DDX1: variants seen among roughly 807,000 people sequenced by gnomAD.
DDX1 encodes ATP-dependent RNA helicase DDX1.
DDX1 carries 28 observed loss-of-function variants against 108.7 expected under a neutral mutation model. The observed-to-expected ratio is 0.26, with a 90% CI of 0.19 to 0.35. DDX1 has a LOEUF of 0.35. Among genes scored for constraint, DDX1 ranks in the 10% least tolerant of loss-of-function variants. The pLI is 1.00. For missense variants in DDX1, 710 were observed against 884.5 expected (o/e 0.80, Z 2.50); for synonymous variants, 295 against 288.9 (o/e 1.02, Z -0.21).
At chr2:15,602,400 T>G in intron 6 of DDX1, 148 bp from the exon 7 acceptor site, 4 of 596,030 alleles carry the variant, frequency 6.7e-6, no homozygotes, top group Non-Finnish European at 1.2e-5. Context: ...CAGGAATCAG[T>G]AAGTCTCAGT....
intron 14 of DDX1, among the ~76,000 whole-genome samples, chr2:15,615,498 A>G (rs12616567): frequency 1.3e-5 from 2 of 152,076 alleles, no homozygotes; most frequent in Middle Eastern, 3.2e-3. Context: ...TTCTTAATAC[A>G]TTGGACAGAT....
chr2:15,597,350 TAG>T, intron 4 of DDX1, 23 bp from the exon 5 acceptor site: 1 of 1,426,946 alleles, frequency 7.0e-7, no homozygotes, highest in Non-Finnish European at 9.7e-7. Flanking sequence ...AATACTAATA[TAG>T]ATACCTTTTG....
At chr2:15,603,720 A>C in intron 8 of DDX1, 94 bp from the exon 9 acceptor site, 1 of 815,082 alleles carries the variant, frequency 1.2e-6, no homozygotes, top group Non-Finnish European at 1.9e-6. Context: ...GGTTTATGAA[A>C]TGGACATACT....
At chr2:15,611,717 G>A (rs1324083448) in intron 13 of DDX1, among the ~76,000 whole-genome samples, 10 of 112,528 alleles carry the variant, frequency 8.9e-5, no homozygotes, top group Non-Finnish European at 8.9e-5. Flanking sequence ...CTCCCGGACG[G>A]GGCGACTGGC....
chr2:15,628,895 G>A lies in DDX1; in HGVS notation c.1875+56G>A, dbSNP rs1666145528. The A allele has an allele frequency of 5.3e-6, 8 of 1,513,134 alleles. No individual in the cohort carries two copies. In the Admixed American group the frequency reaches 8.4e-5, roughly 16 times the overall value. The allele number at this position is 1,513,134 out of a possible 1,614,324, so 93.7% of individuals were successfully genotyped here. ...TGTGTGTGTTGTGATTTTAGATGTTGGAAATAAAAGCAGTTTGATTTTCCC... is the reference window on the plus strand; with the variant it reads ...TGTGTGTGTTGTGATTTTAGATGTTAGAAATAAAAGCAGTTTGATTTTCCC... On this transcript the variant is annotated intron_variant, in intron 23 of 25. Transcript: ENST00000233084.
intron 13 of DDX1, among the ~76,000 whole-genome samples, chr2:15,610,475 G>A (rs1023522365): frequency 1.3e-5 from 2 of 152,164 alleles, no homozygotes; most frequent in African/African-American, 4.8e-5. Context: ...TCAGTCTTTT[G>A]CATGTGCATA....
chr2:15,614,688 A>G (rs931466115), intron 14 of DDX1, among the ~76,000 whole-genome samples: 18 of 152,188 alleles, frequency 1.2e-4, no homozygotes, highest in Admixed American at 1.1e-3. Context: ...TGCTGCTGGC[A>G]CTATGCTCTT....
chr2:15,628,558 G>C, intron 21 of DDX1, 41 bp downstream of exon 21: 1 of 1,597,734 alleles, frequency 6.3e-7, no homozygotes, highest in South Asian at 1.1e-5. Flanking sequence ...GATTGTTACG[G>C]AATCTAAAGT....
chr2:15,621,071 G>T lies in DDX1; in HGVS notation c.1402G>T (p.Asp468Tyr). 1 of 1,606,780 alleles carries T rather than the reference G, an allele frequency of 6.2e-7. No individual in the cohort carries two copies. The stretch of plus-strand genomic sequence containing the variant: ...TATTCCTTGCTTTTGATAGACTGAT[G>T]ATGTACATGCAAAAGATAACACAAG... ...RLGKSHIRTD[D>Y]VHAKDNTRPG... Residue 468 changes from aspartate (D) to tyrosine (Y), a missense_variant, in exon 18 of 26, where the codon GAT becomes TAT. Asp to Tyr is a radical substitution (Grantham distance 160). Transcript: ENST00000233084.
At chr2:15,597,553 T>C (rs1665522153) in intron 5 of DDX1, 82 bp downstream of exon 5, 2 of 945,184 alleles carry the variant, frequency 2.1e-6, no homozygotes, top group South Asian at 3.1e-5. Flanking sequence ...GATTTGGGTA[T>C]GCATTTTTAA....
chr2:15,597,144 A>G (rs10929377), intron 4 of DDX1, among the ~76,000 whole-genome samples: 103,930 of 152,010 alleles, frequency 0.68, 36,331 homozygotes, highest in East Asian at 0.89. Context: ...TCATTCTACC[A>G]GTCTCCATTG....
chr2:15,610,362 T>G (rs2148742417), intron 13 of DDX1, among the ~76,000 whole-genome samples: 1 of 152,312 alleles, frequency 6.6e-6, no homozygotes, highest in East Asian at 1.9e-4. Context: ...TCATGAAAAT[T>G]TTATTTGTGT....
chr2:15,593,243 T>C (rs776002508), intron 1 of DDX1, among the ~76,000 whole-genome samples: 4 of 152,190 alleles, frequency 2.6e-5, no homozygotes, highest in African/African-American at 9.6e-5. Flanking sequence ...TAGGATTCAA[T>C]TGGAAACTGC....
chr2:15,610,020 A>G (rs1665726997), intron 13 of DDX1, among the ~76,000 whole-genome samples: 1 of 152,146 alleles, frequency 6.6e-6, no homozygotes, highest in Non-Finnish European at 1.5e-5. Context: ...CTGCAGTCTC[A>G]AACTCTAGGG....
chr2:15,593,520 A>C (rs76585789), intron 1 of DDX1, among the ~76,000 whole-genome samples: 3,693 of 152,330 alleles, frequency 0.024, 150 homozygotes, highest in East Asian at 0.22. Context: ...CTTGCAGGGA[A>C]CATGACCAGA....
At chr2:15,618,059 A>G (rs1665929386) in intron 15 of DDX1, 122 bp from the exon 16 acceptor site, 2 of 545,924 alleles carry the variant, frequency 3.7e-6, no homozygotes, top group Admixed American at 5.4e-5. Flanking sequence ...GACTATGTAT[A>G]TGCATGAATT....
At chr2:15,612,092 A>ACC (rs1375276602) in intron 13 of DDX1, among the ~76,000 whole-genome samples, 1 of 108,970 alleles carries the variant, frequency 9.2e-6, no homozygotes, top group African/African-American at 3.9e-5. Flanking sequence ...GCGGGGCCTG[A>ACC]CCCCCCCACC....
At chr2:15,597,630 T>C (rs1237900363) in intron 5 of DDX1, among the ~76,000 whole-genome samples, 159 bp downstream of exon 5, 1 of 152,172 alleles carries the variant, frequency 6.6e-6, no homozygotes, top group Non-Finnish European at 1.5e-5. Context: ...TGCTAAATGT[T>C]GTTGAGAGCC....
chr2:15,607,097 T>C (rs1293703088), intron 12 of DDX1, 78 bp from the exon 13 acceptor site: 1 of 1,275,470 alleles, frequency 7.8e-7, no homozygotes, highest in Non-Finnish European at 1.1e-6. Context: ...GATATTAGAA[T>C]ATTTGTCCTA....
Sources: allele counts gnomAD v4.1 joint callset (sites outside exome capture counted in the v4.1 genomes callset), GRCh38; gene constraint gnomAD v4.1.1; transcripts MANE v1.5; gene names NCBI Gene and HGNC (gene_info 2026-07-23, HGNC 2026-07-21).